SMYD3: variants seen among roughly 807,000 people sequenced by gnomAD.
The protein encoded by SMYD3 is SET and MYND domain containing 3.
In SMYD3, 36 loss-of-function variants were observed where a neutral mutation model predicts 57.7. The observed-to-expected ratio is 0.62, with a 90% CI of 0.48 to 0.82. The LOEUF (loss-of-function observed/expected upper bound fraction) is 0.82, where lower values mean the gene tolerates loss of function less well. Ranked by LOEUF, SMYD3 falls within the 40% of genes least tolerant of loss-of-function variation. SMYD3 has a pLI of 0.00. For synonymous variants in SMYD3, 211 were observed against 195.0 expected (o/e 1.08, Z -0.68); for missense variants, 515 against 538.8 (o/e 0.96, Z 0.44).
intron 5 of SMYD3, among the ~76,000 whole-genome samples, chr1:246,139,871 G>C (rs2061724353): frequency 6.6e-6 from 1 of 152,136 alleles, no homozygotes; most frequent in Non-Finnish European, 1.5e-5. Flanking sequence ...AATATGCCAT[G>C]GATAGTCCGC....
At chr1:246,360,840 A>G (rs1459578067) in intron 1 of SMYD3, among the ~76,000 whole-genome samples, 1 of 152,242 alleles carries the variant, frequency 6.6e-6, no homozygotes, top group African/African-American at 2.4e-5. Flanking sequence ...TGAAACCATA[A>G]AAATTCTAGA....
chr1:246,247,201 T>G (rs949037091), intron 5 of SMYD3, among the ~76,000 whole-genome samples: 3 of 152,122 alleles, frequency 2.0e-5, no homozygotes, highest in South Asian at 4.1e-4. Context: ...GTATAACGAA[T>G]TGCCAGATGC....
At chr1:246,219,024 C>G in intron 5 of SMYD3, among the ~76,000 whole-genome samples, 1 of 152,078 alleles carries the variant, frequency 6.6e-6, no homozygotes, top group East Asian at 1.9e-4. Flanking sequence ...TCAAGCCTCT[C>G]TTTTATATAG....
At chr1:246,286,973 C>T (rs143475932) in intron 5 of SMYD3, among the ~76,000 whole-genome samples, 1 of 151,346 alleles carries the variant, frequency 6.6e-6, no homozygotes, top group South Asian at 2.1e-4. Flanking sequence ...TAGGTTCAAG[C>T]AGTTCTCATG....
intron 5 of SMYD3, chr1:246,326,468 A>T (rs769132165): frequency 3.9e-3 from 595 of 154,382 alleles, no homozygotes; most frequent in Non-Finnish European, 5.0e-3. Context: ...GGAATCATTT[A>T]AAAAAAAAAA....
intron 1 of SMYD3, among the ~76,000 whole-genome samples, chr1:246,370,396 G>A (rs1449164393): frequency 6.6e-6 from 1 of 152,220 alleles, no homozygotes; most frequent in Non-Finnish European, 1.5e-5. Flanking sequence ...TGAATAAAGA[G>A]TGAGTGGCAG....
intron 5 of SMYD3, among the ~76,000 whole-genome samples, chr1:246,147,789 G>A (rs1322630112): frequency 4.6e-5 from 7 of 152,210 alleles, no homozygotes; most frequent in East Asian, 1.9e-4. Context: ...GCGCTCAATC[G>A]AGCAGGCAGG....
chr1:245,851,665 G>C (rs187493274), intron 10 of SMYD3, among the ~76,000 whole-genome samples: 1 of 152,310 alleles, frequency 6.6e-6, no homozygotes, highest in African/African-American at 2.4e-5. Context: ...GCTCATAACG[G>C]GGACAGGGGA....
intron 5 of SMYD3, among the ~76,000 whole-genome samples, chr1:246,062,774 A>G (rs1275893821): frequency 6.6e-6 from 1 of 152,218 alleles, no homozygotes; most frequent in African/African-American, 2.4e-5. Flanking sequence ...CAAATGTTCA[A>G]TAACGTTTCA....
rs370744880 is a variant in SMYD3, at chr1:245,915,501, G to A, written c.813+29C>T. On this transcript the variant is annotated intron_variant, in intron 8 of 11. Transcript: ENST00000490107. ...AGATCATTGAGATTTTGCCGTGGAGGTGTTTCAATCTGGTTCCATACTACA... is the reference window on the plus strand; with the variant it reads ...AGATCATTGAGATTTTGCCGTGGAGATGTTTCAATCTGGTTCCATACTACA... 7 of 1,409,494 alleles carry A rather than the reference G, an allele frequency of 5.0e-6. No homozygotes were observed. The East Asian group carries it at 6.9e-5, about 14-fold the overall frequency. 87.3% of individuals were successfully genotyped at this position (1,409,494 alleles called of 1,614,324 possible). A position where few individuals can be genotyped will look rare whatever the true frequency, so the allele number is the denominator to read the frequency against.
Position 246,348,137 on chromosome 1 carries a change from C to T in SMYD3, c.228+6894G>A, listed in dbSNP as rs191211462. Among the ~76,000 whole-genome samples, 260 of 145,802 alleles carry T rather than the reference C, an allele frequency of 1.8e-3. 2 individuals carry two copies. The highest frequency in any genetic ancestry group is 5.3e-3 in the African/African-American group (212 of 39,674). On this transcript the variant is annotated intron_variant, in intron 2 of 11. Transcript: ENST00000490107. ...AAAGAATAAAATCATGCCCTTGGGC[C>T]GGGCGCATTGGCTCATGCCTGTAAT...
chr1:246,060,564 C>T (rs995772653), intron 5 of SMYD3, among the ~76,000 whole-genome samples: 3 of 151,432 alleles, frequency 2.0e-5, no homozygotes, highest in African/African-American at 7.4e-5. Context: ...AAGCAATAAA[C>T]TGTTATTCAT....
chr1:246,211,302 A>G (rs1479076955), intron 5 of SMYD3, among the ~76,000 whole-genome samples: 1 of 152,138 alleles, frequency 6.6e-6, no homozygotes, highest in African/African-American at 2.4e-5. Context: ...CTCATGGGAT[A>G]TGAAAGTCGT....
chr1:246,123,459 C>T (rs750115576), intron 5 of SMYD3, among the ~76,000 whole-genome samples: 6 of 151,938 alleles, frequency 3.9e-5, no homozygotes, highest in Non-Finnish European at 7.4e-5. Context: ...CCCAGCTACT[C>T]GGGCAGCTGA....
At chr1:246,427,240 CA>C (rs2067231633) in intron 1 of SMYD3, among the ~76,000 whole-genome samples, 1 of 152,204 alleles carries the variant, frequency 6.6e-6, no homozygotes, top group South Asian at 2.1e-4. Context: ...TAATATTAAA[CA>C]TTAAAATAGT....
chr1:246,149,433 T>C (rs1471411869), intron 5 of SMYD3, among the ~76,000 whole-genome samples: 2 of 152,178 alleles, frequency 1.3e-5, no homozygotes, highest in East Asian at 3.9e-4. Context: ...TCTTTATTAA[T>C]ATGTTTCAAA....
At chr1:246,351,654 A>G (rs938043481) in intron 2 of SMYD3, among the ~76,000 whole-genome samples, 2 of 152,228 alleles carry the variant, frequency 1.3e-5, no homozygotes, top group East Asian at 3.8e-4. Flanking sequence ...TGTACGCTAT[A>G]TATGATGCAT....
intron 5 of SMYD3, among the ~76,000 whole-genome samples, chr1:245,982,486 A>G (rs2058618103): frequency 6.6e-6 from 1 of 152,234 alleles, no homozygotes; most frequent in Non-Finnish European, 1.5e-5. Context: ...CAAATGTGAA[A>G]CAATCAAAAT....
rs1420235020 is a variant in SMYD3, at chr1:245,836,080, T to C, written c.1076+22416A>G. Among the ~76,000 whole-genome samples, 71 of 152,180 alleles carry C rather than the reference T, an allele frequency of 4.7e-4. 1 individual carries two copies. Among genetic ancestry groups the C allele is most frequent in the African/African-American group, 7.2e-5 (3 of 41,448 alleles). ...ACATTAGCCACCCATCTGACCCTCA[T>C]AGACGTCTCCAAGATCGAAAAATAT... On this transcript the variant is annotated intron_variant, in intron 10 of 11. Coordinates refer to ENST00000490107, the MANE Select transcript of SMYD3 (RefSeq NM_001167740.2).
Sources: gnomAD v4.1 joint callset for allele counts (sites outside exome capture counted in the v4.1 genomes callset) on GRCh38, gnomAD v4.1.1 for gene constraint, MANE v1.5 for transcripts, NCBI Gene and HGNC (gene_info 2026-07-23, HGNC 2026-07-21) for gene names.